NRCAM: variants seen among roughly 807,000 people sequenced by gnomAD.
NRCAM encodes the protein neuronal cell adhesion molecule.
NRCAM carries 83 observed loss-of-function variants against 156.5 expected under a neutral mutation model. The observed-to-expected ratio is 0.53, with a 90% confidence interval of 0.44 to 0.64. The LOEUF (loss-of-function observed/expected upper bound fraction) is 0.64. Ranked by LOEUF, NRCAM falls within the 30% of genes least tolerant of loss-of-function variation. NRCAM has a pLI of 0.00. For missense variants in NRCAM, 1,417 were observed against 1,597.3 expected (o/e 0.89, Z 1.92); for synonymous variants, 538 against 563.9 (o/e 0.95, Z 0.65).
chr7:108,449,970 C>CAT lies in NRCAM; in HGVS notation c.-332+6271_-332+6272dup, dbSNP rs543671629. Among the ~76,000 whole-genome samples the CAT allele has an allele frequency of 5.7e-3, 862 of 150,992 alleles. 10 individuals carry two copies. Among genetic ancestry groups the CAT allele is most frequent in the African/African-American group, 0.019 (772 of 41,106 alleles). ...CACTATGCACATAATAAAATTTAAA[C>CAT]ATATATATATATTCAACATATATAT... On this transcript the variant is annotated intron_variant, in intron 1 of 32. Coordinates refer to ENST00000379028, the MANE Select transcript of NRCAM (RefSeq NM_001037132.4).
At chr7:108,197,677 C>T (rs1188032581) in intron 14 of NRCAM, among the ~76,000 whole-genome samples, 1 of 152,106 alleles carries the variant, frequency 6.6e-6, no homozygotes, top group Non-Finnish European at 1.5e-5. Context: ...ATGCTATTTT[C>T]CTTTTGAGGG....
At chr7:108,168,522 A>C (rs381828) in intron 28 of NRCAM, 120 bp from the exon 29 acceptor site, 737,277 of 906,352 alleles carry the variant, frequency 0.81, 305,192 homozygotes, top group Non-Finnish European at 0.85. Context: ...TTTACTGCTA[A>C]AATTTAGGGT....
At chr7:108,370,343 G>A in intron 2 of NRCAM, among the ~76,000 whole-genome samples, 1 of 152,100 alleles carries the variant, frequency 6.6e-6, no homozygotes, top group East Asian at 1.9e-4. Flanking sequence ...TACTTTCTAT[G>A]CCAACTCTCT....
At chr7:108,256,416 T>C (rs1375584633) in intron 3 of NRCAM, among the ~76,000 whole-genome samples, 1 of 149,538 alleles carries the variant, frequency 6.7e-6, no homozygotes, top group Non-Finnish European at 1.5e-5. Context: ...AAACAGATGC[T>C]TGAAGGCAGC....
At chr7:108,241,564 C>T (rs2095530134) in intron 3 of NRCAM, among the ~76,000 whole-genome samples, 1 of 152,090 alleles carries the variant, frequency 6.6e-6, no homozygotes, top group South Asian at 2.1e-4. Context: ...TCCATCTTTT[C>T]CAATAAACTG....
At chr7:108,390,888 T>C (rs1283637806) in intron 2 of NRCAM, among the ~76,000 whole-genome samples, 3 of 149,940 alleles carry the variant, frequency 2.0e-5, no homozygotes, top group Non-Finnish European at 4.5e-5. Context: ...CAGTTTTGAA[T>C]GAGTTTCTTA....
chr7:108,162,933 C>T (rs965575279), intron 30 of NRCAM, among the ~76,000 whole-genome samples: 3 of 152,068 alleles, frequency 2.0e-5, no homozygotes, highest in African/African-American at 7.2e-5. Flanking sequence ...AGGCATGAAG[C>T]CTTTTCAGGA....
At chr7:108,342,303 A>C (rs1054299760) in intron 2 of NRCAM, among the ~76,000 whole-genome samples, 5 of 152,232 alleles carry the variant, frequency 3.3e-5, no homozygotes, top group African/African-American at 1.2e-4. Flanking sequence ...AACAGGCTAA[A>C]TACTTAGGGC....
chr7:108,274,470 GATTCCTAGGTATTTT>G (rs1308073056), intron 3 of NRCAM, among the ~76,000 whole-genome samples: 1 of 152,106 alleles, frequency 6.6e-6, no homozygotes, highest in Non-Finnish European at 1.5e-5. Context: ...TTGTAAGTTG[GATTCCTAGGTATTTT>G]ATTCTCTTTG....
chr7:108,423,335 G>A (rs1812739969), intron 1 of NRCAM, among the ~76,000 whole-genome samples: 1 of 152,110 alleles, frequency 6.6e-6, no homozygotes, highest in Admixed American at 6.6e-5. Flanking sequence ...GGATTGGGTA[G>A]TAAGGGAAGA....
chr7:108,438,031 TAAAA>T (rs572478339), intron 1 of NRCAM, among the ~76,000 whole-genome samples: 1 of 138,656 alleles, frequency 7.2e-6, no homozygotes, highest in African/African-American at 2.7e-5. Context: ...CTATAAGAAG[TAAAA>T]AAAAAAAAAA....
At chr7:108,256,753 T>C (rs1053031298) in intron 3 of NRCAM, among the ~76,000 whole-genome samples, 1 of 148,414 alleles carries the variant, frequency 6.7e-6, no homozygotes, top group African/African-American at 2.5e-5. Flanking sequence ...TGGTGGTTCA[T>C]ACCTGTAATC....
intron 28 of NRCAM, among the ~76,000 whole-genome samples, chr7:108,173,800 G>T (rs1384520196): frequency 6.6e-6 from 1 of 152,058 alleles, no homozygotes; most frequent in African/African-American, 2.4e-5. Context: ...ATTCAAATTA[G>T]TAACATCAAA....
intron 3 of NRCAM, among the ~76,000 whole-genome samples, chr7:108,284,789 A>C (rs917705376): frequency 3.9e-5 from 6 of 152,120 alleles, no homozygotes; most frequent in Non-Finnish European, 8.8e-5. Context: ...CTACTTCACT[A>C]CACTTGTTTA....
chr7:108,269,864 A>C (rs1031312797), intron 3 of NRCAM, among the ~76,000 whole-genome samples: 1 of 152,222 alleles, frequency 6.6e-6, no homozygotes, highest in African/African-American at 2.4e-5. Context: ...TAGGAGTAGC[A>C]AGGAGTAAAT....
intron 3 of NRCAM, among the ~76,000 whole-genome samples, chr7:108,246,235 G>A (rs2095905857): frequency 1.3e-5 from 2 of 152,146 alleles, no homozygotes; most frequent in Admixed American, 6.5e-5. Context: ...TGCCTGCCAT[G>A]CTCACAGTCT....
chr7:108,428,915 T>A (rs1283438319), intron 1 of NRCAM, among the ~76,000 whole-genome samples: 1 of 142,956 alleles, frequency 7.0e-6, no homozygotes, highest in Non-Finnish European at 1.5e-5. Context: ...AATTTTGACA[T>A]GCCATTGTGA....
Position 108,169,098 on chromosome 7 carries a change from T to C in NRCAM, c.3188-696A>G, listed in dbSNP as rs73412401. On this transcript the variant is annotated intron_variant, in intron 28 of 32. Coordinates refer to ENST00000379028, the MANE Select transcript of NRCAM (RefSeq NM_001037132.4). ...AGTAAAAACTATTTCATGTAACATT[T>C]CCTAGAGAGCAAGACAATCTTACCT... Among the ~76,000 whole-genome samples the C allele has an allele frequency of 4.0e-3, 609 of 152,324 alleles. 3 individuals are homozygous for C. Among genetic ancestry groups the C allele is most frequent in the African/African-American group, 0.014 (582 of 41,576 alleles).
At chr7:108,371,976 A>C (rs2099631451) in intron 2 of NRCAM, among the ~76,000 whole-genome samples, 1 of 152,156 alleles carries the variant, frequency 6.6e-6, no homozygotes, top group Non-Finnish European at 1.5e-5. Flanking sequence ...TATATTACAA[A>C]GCTACAGTAA....
Sources: gnomAD v4.1 joint callset for allele counts (sites outside exome capture counted in the v4.1 genomes callset) on GRCh38, gnomAD v4.1.1 for gene constraint, MANE v1.5 for transcripts, NCBI Gene and HGNC (gene_info 2026-07-23, HGNC 2026-07-21) for gene names.